ARHGAP24: variants seen among roughly 807,000 people sequenced by gnomAD.
The protein encoded by ARHGAP24 is rho GTPase-activating protein 24.
In ARHGAP24, 50 loss-of-function variants were observed where a neutral mutation model predicts 76.4. That is an observed-to-expected ratio of 0.65 (90% CI 0.52 to 0.83). The LOEUF is 0.83. Ranked by LOEUF, ARHGAP24 falls within the 40% of genes least tolerant of loss-of-function variation. The pLI is 0.00. For missense variants in ARHGAP24, 930 were observed against 914.2 expected, an observed-to-expected ratio of 1.02 and a Z score of -0.22; for synonymous variants, 345 against 323.3, an observed-to-expected ratio of 1.07 and a Z score of -0.72.
At chr4:85,694,572 A>G (rs182429775) in intron 2 of ARHGAP24, among the ~76,000 whole-genome samples, 212 of 152,288 alleles carry the variant, frequency 1.4e-3, no homozygotes, top group Middle Eastern at 6.8e-3. Flanking sequence ...AAATGACTAG[A>G]AAATGTTTCT....
rs1052223 is a variant in ARHGAP24 at position 86,000,973 on chromosome 4, A to G, written c.*251A>G. 1.3e-3 allele frequency: 679 copies of G among 522,164 alleles called. 6 individuals are homozygous for G. Among genetic ancestry groups the G allele is most frequent in the African/African-American group, 0.012 (623 of 52,882 alleles). 32.3% of individuals were successfully genotyped at this position (522,164 alleles called of 1,614,324 possible). A position where few individuals can be genotyped will look rare whatever the true frequency, so the allele number is the denominator to read the frequency against. ...GTAGTTTTTCAAAAGTAAACTAAAA[A>G]TGAGAAGCATATTTCAAGAATTATT... On this transcript the variant is annotated 3_prime_UTR_variant, in exon 10 of 10. Transcript: ENST00000395184.
chr4:85,774,468 C>T (rs1021755881), intron 3 of ARHGAP24, among the ~76,000 whole-genome samples: 1 of 152,188 alleles, frequency 6.6e-6, no homozygotes, highest in Admixed American at 6.5e-5. Flanking sequence ...TTCTTAAAAC[C>T]ACCTGGAAAG....
intron 3 of ARHGAP24, among the ~76,000 whole-genome samples, chr4:85,922,476 C>G (rs1735779959): frequency 6.6e-6 from 1 of 152,162 alleles, no homozygotes; most frequent in African/African-American, 2.4e-5. Flanking sequence ...AAACACAACA[C>G]TCAGATATGA....
intron 3 of ARHGAP24, among the ~76,000 whole-genome samples, chr4:85,813,815 A>ATT (rs1250358018): frequency 2.0e-5 from 2 of 98,858 alleles, no homozygotes; most frequent in African/African-American, 3.9e-5. Flanking sequence ...ATATATATTT[A>ATT]TTTTATATAT....
intron 5 of ARHGAP24, among the ~76,000 whole-genome samples, chr4:85,946,456 G>C (rs1230327397): frequency 6.6e-6 from 1 of 152,148 alleles, no homozygotes; most frequent in Non-Finnish European, 1.5e-5. Context: ...CCAATAGGCA[G>C]TTTATTTCAA....
intron 2 of ARHGAP24, among the ~76,000 whole-genome samples, chr4:85,712,018 ATTC>A (rs1724548156): frequency 6.6e-6 from 1 of 152,094 alleles, no homozygotes; most frequent in Non-Finnish European, 1.5e-5. Flanking sequence ...AACCCTCCCT[ATTC>A]TTTTTCTTTT....
At chr4:85,789,822 G>A (rs1423586669) in intron 3 of ARHGAP24, among the ~76,000 whole-genome samples, 1 of 152,138 alleles carries the variant, frequency 6.6e-6, no homozygotes, top group Non-Finnish European at 1.5e-5. Context: ...GAATCTTCTT[G>A]AGAAGTCCTA....
At chr4:85,781,482 TA>T (rs1473591516) in intron 3 of ARHGAP24, among the ~76,000 whole-genome samples, 1 of 152,178 alleles carries the variant, frequency 6.6e-6, no homozygotes, top group Non-Finnish European at 1.5e-5. Context: ...CAACTTTAAT[TA>T]GATTCCTTGG....
At chr4:85,836,779 G>T (rs898591127) in intron 3 of ARHGAP24, among the ~76,000 whole-genome samples, 1 of 152,168 alleles carries the variant, frequency 6.6e-6, no homozygotes, top group African/African-American at 2.4e-5. Context: ...CATGCTATTC[G>T]AAGTGTGGTC....
chr4:85,680,043 T>C (rs961493832), intron 2 of ARHGAP24, among the ~76,000 whole-genome samples: 3 of 152,172 alleles, frequency 2.0e-5, no homozygotes, highest in Non-Finnish European at 2.9e-5. Context: ...GAGAAGATCC[T>C]TTTAGAGCCA....
chr4:85,991,161 AT>A (rs1478982698), intron 8 of ARHGAP24: 1 of 152,130 alleles, frequency 6.6e-6, no homozygotes, highest in Non-Finnish European at 1.5e-5. Flanking sequence ...ATCTTTAGTC[AT>A]TAGAAAAACT....
At chr4:85,506,735 C>T (rs1406150029) in intron 1 of ARHGAP24, among the ~76,000 whole-genome samples, 2 of 152,202 alleles carry the variant, frequency 1.3e-5, no homozygotes, top group East Asian at 1.9e-4. Context: ...CTTCGACTCA[C>T]CCTCTGTGGG....
At chr4:85,823,859 C>T (rs1729586844) in intron 3 of ARHGAP24, among the ~76,000 whole-genome samples, 1 of 149,168 alleles carries the variant, frequency 6.7e-6, no homozygotes, top group African/African-American at 2.5e-5. Context: ...TCCCTCCCCT[C>T]CCCTCCCCTC....
At chr4:85,624,138 T>G (rs1280148356) in intron 2 of ARHGAP24, among the ~76,000 whole-genome samples, 1 of 152,186 alleles carries the variant, frequency 6.6e-6, no homozygotes, top group Non-Finnish European at 1.5e-5. Context: ...ATAGGAGTGG[T>G]GAGAGAGGGC....
intron 3 of ARHGAP24, among the ~76,000 whole-genome samples, chr4:85,731,673 T>C (rs1227238134): frequency 6.6e-6 from 1 of 152,190 alleles, no homozygotes; most frequent in African/African-American, 2.4e-5. Context: ...AAAGTTCTAG[T>C]GTTCTATACT....
At chr4:85,691,948 T>C (rs1723677611) in intron 2 of ARHGAP24, among the ~76,000 whole-genome samples, 1 of 152,148 alleles carries the variant, frequency 6.6e-6, no homozygotes, top group Admixed American at 6.5e-5. Context: ...TTAATTGTGT[T>C]TGTTTGGTAG....
intron 2 of ARHGAP24, among the ~76,000 whole-genome samples, chr4:85,699,479 G>C (rs1046973023): frequency 1.3e-5 from 2 of 152,132 alleles, no homozygotes; most frequent in African/African-American, 4.8e-5. Context: ...GTGCCTGCCT[G>C]TAGTCCCAGC....
intron 2 of ARHGAP24, among the ~76,000 whole-genome samples, chr4:85,638,750 A>T (rs775976185): frequency 6.6e-6 from 1 of 152,164 alleles, no homozygotes; most frequent in Non-Finnish European, 1.5e-5. Context: ...GATACGGGAT[A>T]TCCTCTGCCC....
At chr4:85,599,386 A>G (rs796495804) in intron 2 of ARHGAP24, among the ~76,000 whole-genome samples, 9 of 152,284 alleles carry the variant, frequency 5.9e-5, no homozygotes, top group South Asian at 2.1e-4. Flanking sequence ...TTTTTCCATT[A>G]TAGTATATGT....
Sources: allele counts gnomAD v4.1 joint callset (sites outside exome capture counted in the v4.1 genomes callset), GRCh38; gene constraint gnomAD v4.1.1; transcripts MANE v1.5; gene names NCBI Gene and HGNC (gene_info 2026-07-23, HGNC 2026-07-21).